Variants in TGIF2 observed in about 807,000 individuals in gnomAD.
TGIF2 encodes the protein TGFB induced factor homeobox 2, also known as homeobox protein TGIF2.
A neutral mutation model predicts 15.1 loss-of-function variants in TGIF2; 5 were observed. The observed-to-expected ratio is 0.33, with a 90% CI of 0.17 to 0.70. The LOEUF is 0.70. TGIF2 is among the 30% of genes least tolerant of loss of function. The probability of loss-of-function intolerance (pLI) is 0.67; values close to 1 mark genes in which losing one functional copy is unlikely to be tolerated. For synonymous variants in TGIF2, 131 were observed against 128.9 expected (o/e 1.02, Z -0.11); for missense variants, 264 against 302.5 (o/e 0.87, Z 0.94).
At chr20:36,582,359 AACC>A (rs1458798905) in intron 2 of TGIF2, among the ~76,000 whole-genome samples, 1 of 152,216 alleles carries the variant, frequency 6.6e-6, no homozygotes, top group Non-Finnish European at 1.5e-5. Context: ...ATAAAAAAAA[AACC>A]ACTTCTTTTT....
chr20:36,578,424 AAAAAG>A (rs1356546130), intron 1 of TGIF2, among the ~76,000 whole-genome samples: 4 of 152,094 alleles, frequency 2.6e-5, no homozygotes, highest in Non-Finnish European at 4.4e-5. Context: ...AAAAAAAAAA[AAAAAG>A]AAAAGAAAAA....
chr20:36,584,736 A>G (rs996607514), intron 2 of TGIF2, among the ~76,000 whole-genome samples: 2 of 151,988 alleles, frequency 1.3e-5, no homozygotes, highest in Admixed American at 6.6e-5. Context: ...TAGTAAAGAC[A>G]GGGTTTCACC....
intron 2 of TGIF2, among the ~76,000 whole-genome samples, chr20:36,580,988 G>A (rs1413230779): frequency 6.6e-6 from 1 of 151,968 alleles, no homozygotes; most frequent in Non-Finnish European, 1.5e-5. Context: ...ATTGCCAGGT[G>A]TGGTGGTGCA....
intron 2 of TGIF2, among the ~76,000 whole-genome samples, chr20:36,580,722 A>T (rs2038526758): frequency 6.8e-6 from 1 of 146,746 alleles, no homozygotes; most frequent in Non-Finnish European, 1.5e-5. Context: ...AAGTGGGAGG[A>T]AGGATTACTT....
chr20:36,589,762 C>T lies in TGIF2; in HGVS notation c.193-1148C>T, dbSNP rs899844751. 2.7e-4 allele frequency among the ~76,000 whole-genome samples: 41 copies of T among 152,258 alleles called. 1 individual carries two copies. The highest frequency in any genetic ancestry group is 5.6e-4 in the Non-Finnish European group (38 of 68,006). ...GGAGTACAGTGGCACAGTCACAGCT[C>T]ACTGCAGCCTCAAACTCCTGGGCTC... On this transcript the variant is annotated intron_variant, in intron 2 of 2. Transcript: ENST00000373872.
chr20:36,581,076 G>A lies in TGIF2; in HGVS notation c.192+2110G>A, dbSNP rs532605070. Reference sequence around the variant, plus strand: ...TGGGAGGCGGAGGTTGCGGTGAGCCGAGATGGTGGCATTGCACTCCAGCCT... The same window carrying A: ...TGGGAGGCGGAGGTTGCGGTGAGCCAAGATGGTGGCATTGCACTCCAGCCT... On this transcript the variant is annotated intron_variant, in intron 2 of 2. Transcript: ENST00000373872. 1.2e-4 allele frequency among the ~76,000 whole-genome samples: 18 copies of A among 152,084 alleles called. No individual in the cohort carries two copies. In the East Asian group the frequency reaches 2.7e-3, roughly 23 times the overall value.
intron 2 of TGIF2, among the ~76,000 whole-genome samples, chr20:36,587,659 CT>C (rs1484990360): frequency 6.6e-6 from 1 of 152,192 alleles, no homozygotes; most frequent in East Asian, 1.9e-4. Flanking sequence ...AGCTTTTGCA[CT>C]TGTGACCTTC....
chr20:36,581,877 C>T (rs903229952), intron 2 of TGIF2, among the ~76,000 whole-genome samples: 6 of 152,196 alleles, frequency 3.9e-5, no homozygotes, highest in African/African-American at 1.2e-4. Flanking sequence ...AATCCGTCCA[C>T]CTCAGCCTCC....
At chr20:36,587,567 C>T (rs777269248) in intron 2 of TGIF2, among the ~76,000 whole-genome samples, 130 of 152,270 alleles carry the variant, frequency 8.5e-4, no homozygotes, top group Non-Finnish European at 1.6e-3. Flanking sequence ...ACAGGCACTG[C>T]TCCTGTGCAA....
At chr20:36,590,822 G>C (rs2038755222) in intron 2 of TGIF2, 88 bp from the exon 3 acceptor site, 1 of 1,408,130 alleles carries the variant, frequency 7.1e-7, no homozygotes, top group Non-Finnish European at 9.4e-7. Flanking sequence ...GCCACCCAAA[G>C]TGTTGGGATT....
intron 2 of TGIF2, among the ~76,000 whole-genome samples, chr20:36,589,931 C>T (rs946759415): frequency 2.0e-5 from 3 of 151,754 alleles, no homozygotes; most frequent in Non-Finnish European, 2.9e-5. Context: ...GAAAGCCATC[C>T]GCCCACCTTG....
At chr20:36,585,465 TAAAAAAAAA>T (rs998173848) in intron 2 of TGIF2, among the ~76,000 whole-genome samples, 5 of 104,068 alleles carry the variant, frequency 4.8e-5, no homozygotes, top group East Asian at 5.5e-4. Context: ...ACTCTGTCTT[TAAAAAAAAA>T]AAAAAAAAAA....
intron 1 of TGIF2, among the ~76,000 whole-genome samples, chr20:36,577,546 G>A (rs2038457478): frequency 7.0e-6 from 1 of 143,476 alleles, no homozygotes; most frequent in Admixed American, 7.1e-5. Context: ...TTGAGATGGA[G>A]TCTCGCTGTG....
Position 36,591,221 on chromosome 20 carries a change from C to T in TGIF2, c.504C>T (p.Thr168=), listed in dbSNP as rs769398437. The T allele has an allele frequency of 6.2e-7, 1 of 1,614,178 alleles. No homozygotes were observed. Among genetic ancestry groups the T allele is most frequent in the South Asian group, 1.1e-5 (1 of 91,082 alleles). The change falls in exon 3 of 3, where the codon ACC becomes ACT. Residue 168 remains threonine (T), a synonymous_variant. Coordinates refer to ENST00000373872, the MANE Select transcript of TGIF2 (RefSeq NM_021809.7). This position sits in a 1 kb window ranked among gnomAD's most constrained non-coding sequence, Gnocchi z 5.3. ...VTPGSTLTLL[T]RAEAGSPTGG... is the part of the protein sequence containing the mutation. Reference sequence around the variant, plus strand: ...CTGGTAGCACACTTACTCTGCTGACCAGGGCTGAGGCTGGAAGCCCCACAG... The same window carrying T: ...CTGGTAGCACACTTACTCTGCTGACTAGGGCTGAGGCTGGAAGCCCCACAG...
In TGIF2 at chr20:36,593,656, G is replaced by C. The variant is rs986647296; in HGVS notation, c.*2225G>C. ...CCCAGGTCTGGTGCAACTGCTGCAG[G>C]ATGCCTGTAGTAGGGAACTCTGGAA... is the stretch of plus-strand genomic sequence containing the variant. On this transcript the variant is annotated 3_prime_UTR_variant, in exon 3 of 3. Coordinates refer to ENST00000373872, the MANE Select transcript of TGIF2 (RefSeq NM_021809.7). 6.5e-6 allele frequency: 1 copy of C among 152,712 alleles called. No individual in the cohort carries two copies. The highest frequency in any genetic ancestry group is 1.5e-5 in the Non-Finnish European group (1 of 68,110). 9.5% of individuals were successfully genotyped at this position (152,712 alleles called of 1,614,324 possible).
At chr20:36,589,614 A>G (rs983146502) in intron 2 of TGIF2, among the ~76,000 whole-genome samples, 5 of 152,038 alleles carry the variant, frequency 3.3e-5, no homozygotes, top group African/African-American at 1.2e-4. Flanking sequence ...GCTGGTCTCA[A>G]ACTCCTGACC....
At chr20:36,588,120 G>GA (rs1483268510) in intron 2 of TGIF2, among the ~76,000 whole-genome samples, 1 of 151,524 alleles carries the variant, frequency 6.6e-6, no homozygotes, top group African/African-American at 2.4e-5. Flanking sequence ...CTAAAGCCAG[G>GA]AGGCCTGGTT....
chr20:36,579,805 G>A (rs966879918), intron 2 of TGIF2, among the ~76,000 whole-genome samples: 2 of 152,158 alleles, frequency 1.3e-5, no homozygotes, highest in African/African-American at 2.4e-5. Flanking sequence ...CTGTTGTGAC[G>A]AATAGATTCA....
At chr20:36,574,275 C>T (rs2038364424) in intron 1 of TGIF2, among the ~76,000 whole-genome samples, 1 of 152,002 alleles carries the variant, frequency 6.6e-6, no homozygotes, top group Non-Finnish European at 1.5e-5. Flanking sequence ...GCATCTGTCA[C>T]TCCCAGGCTG....
Sources: allele counts gnomAD v4.1 joint callset (sites outside exome capture counted in the v4.1 genomes callset), GRCh38; gene constraint gnomAD v4.1.1; non-coding constraint Gnocchi (gnomAD v3.1); transcripts MANE v1.5; gene names NCBI Gene and HGNC (gene_info 2026-07-23, HGNC 2026-07-21).